The following SLF2 variants were observed in gnomAD, a reference collection of about 807,000 sequenced individuals.
SLF2 encodes the protein SMC5-SMC6 complex localization factor protein 2.
Under a neutral mutation model 124.3 loss-of-function variants are expected in SLF2, and 68 were observed. That is an observed-to-expected ratio of 0.55 (90% CI 0.45 to 0.67). SLF2 has a LOEUF of 0.67. Ranked by LOEUF, SLF2 falls within the 30% of genes least tolerant of loss-of-function variation. The probability of loss-of-function intolerance (pLI) is 0.00; values close to 1 mark genes in which losing one functional copy is unlikely to be tolerated. For synonymous variants in SLF2, 480 were observed against 478.8 expected (o/e 1.00, Z -0.03); for missense variants, 1,246 against 1,373.7 (o/e 0.91, Z 1.47).
At position 100,916,020 on chromosome 10, in the gene SLF2, C is replaced by T; in HGVS notation, c.162C>T (p.Phe54=). 6.2e-7 allele frequency: 1 copy of T among 1,612,004 alleles called. No individual in the cohort carries two copies. Among genetic ancestry groups the T allele is most frequent in the East Asian group, 2.2e-5 (1 of 44,732 alleles). The change falls in exon 2 of 20, where the codon TTC becomes TTT. Residue 54 remains phenylalanine (F), a synonymous_variant. Transcript: ENST00000238961. ...PGDRKQSIID[F]FKPASKQDRH... ...TCAGGAAGCAGTCAATTATAGATTT[C>T]TTCAAACCAGCTTCAAAACAAGGTA...
At chr10:100,955,379 T>C (rs1252301064) in intron 17 of SLF2, among the ~76,000 whole-genome samples, 1 of 152,236 alleles carries the variant, frequency 6.6e-6, no homozygotes, top group African/African-American at 2.4e-5. Flanking sequence ...ATGTTAGCTC[T>C]GTTTGTTGGA....
At chr10:100,915,912 T>C in intron 1 of SLF2, 87 bp from the exon 2 acceptor site, 1 of 1,078,226 alleles carries the variant, frequency 9.3e-7, no homozygotes, top group South Asian at 1.3e-5. Context: ...ATCCAGCCTT[T>C]ATTTTATAAA....
At position 100,916,860 on chromosome 10, in the gene SLF2, A is replaced by G. The variant is rs1227539063; in HGVS notation, c.475A>G (p.Lys159Glu). The change falls in exon 3 of 20, where the codon AAG becomes GAG. Residue 159 changes from lysine to glutamate, a missense_variant. Physicochemically the swap from Lys to Glu is moderately conservative, Grantham distance 56. This residue lies in a region of SLF2 where 698 missense variants were observed against 708.9 expected (regional missense o/e 0.98). Coordinates refer to ENST00000238961, the MANE Select transcript of SLF2 (RefSeq NM_018121.4). ...TGTTCCTTCTTCATATCACTTGCCA[A>G]AGGAGATGAAGTCACTAAAGAAAAA... ...IYVPSSYHLP[K>E]EMKSLKKKHR... 7.4e-6 allele frequency: 12 copies of G among 1,614,090 alleles called. No individual in the cohort carries two copies. The highest frequency in any genetic ancestry group is 1.0e-5 in the Non-Finnish European group (12 of 1,180,046).
At chr10:100,948,491 A>T (rs11599640) in intron 15 of SLF2, among the ~76,000 whole-genome samples, 15,247 of 151,864 alleles carry the variant, frequency 0.1, 845 homozygotes, top group Non-Finnish European at 0.12. Context: ...GTTTTTAATT[A>T]AAAAAAATGT....
chr10:100,923,286 T>C (rs1849553364), intron 4 of SLF2, among the ~76,000 whole-genome samples: 1 of 152,172 alleles, frequency 6.6e-6, no homozygotes, highest in Non-Finnish European at 1.5e-5. Context: ...AGGGCCGTAA[T>C]GTCTCTGGCA....
intron 4 of SLF2, among the ~76,000 whole-genome samples, chr10:100,923,251 A>G (rs1343254331): frequency 6.6e-6 from 1 of 152,178 alleles, no homozygotes; most frequent in South Asian, 2.1e-4. Flanking sequence ...TCTGGAAGCT[A>G]GAAGTTTGAA....
In SLF2 at chr10:100,912,985, T is replaced by A. The variant is rs1232803270; in HGVS notation, c.-126T>A. 5.9e-6 allele frequency: 6 copies of A among 1,013,748 alleles called. No homozygotes were observed. The highest frequency in any genetic ancestry group is 7.2e-6 in the Non-Finnish European group (5 of 698,330). 62.8% of individuals were successfully genotyped at this position (1,013,748 alleles called of 1,614,324 possible). A position where few individuals can be genotyped will look rare whatever the true frequency, so the allele number is the denominator to read the frequency against. On this transcript the variant is annotated 5_prime_UTR_variant, in exon 1 of 20. An upstream start codon of the reference 5' UTR is lost. Transcript: ENST00000238961. ...GTCACTTCCGAAGAGAGAACCGCCA[T>A]GAAGAGAGAAGGGGGTGCCGCCCAC...
At chr10:100,913,444 G>C in intron 1 of SLF2, 194 bp downstream of exon 1, 1 of 1,324,560 alleles carries the variant, frequency 7.5e-7, no homozygotes, top group East Asian at 3.1e-5. Context: ...CTGTAGTTGG[G>C]CAGCTGCTCT....
At chr10:100,928,472 A>G (rs181810187) in intron 6 of SLF2, among the ~76,000 whole-genome samples, 30 of 152,302 alleles carry the variant, frequency 2.0e-4, no homozygotes, top group African/African-American at 7.0e-4. Context: ...GCACTTCACA[A>G]ATGAAAGACA....
intron 6 of SLF2, among the ~76,000 whole-genome samples, 171 bp from the exon 7 acceptor site, chr10:100,929,146 T>G (rs767620284): frequency 6.6e-6 from 1 of 152,202 alleles, no homozygotes; most frequent in Admixed American, 6.5e-5. Flanking sequence ...TCATGAAAAT[T>G]GTACGTCGTG....
chr10:100,917,998 G>A (rs1157721334), intron 3 of SLF2, among the ~76,000 whole-genome samples: 1 of 152,132 alleles, frequency 6.6e-6, no homozygotes, highest in African/African-American at 2.4e-5. Context: ...AAGGTGGGAG[G>A]CTCGCTTGAG....
At chr10:100,959,059 A>T (rs1850381590) in intron 18 of SLF2, among the ~76,000 whole-genome samples, 1 of 152,218 alleles carries the variant, frequency 6.6e-6, no homozygotes, top group African/African-American at 2.4e-5. Context: ...GAACAGCCAA[A>T]GCCTTGGGCC....
chr10:100,960,995 C>CTACTTTTTTTTTTTT (rs1411407192), intron 19 of SLF2, among the ~76,000 whole-genome samples: 1 of 54,450 alleles, frequency 1.8e-5, no homozygotes, highest in African/African-American at 6.5e-5. Context: ...ATATTCTGTA[C>CTACTTTTTTTTTTTT]TTCTTTTTTT....
chr10:100,957,915 G>A (rs1850362729), intron 18 of SLF2, among the ~76,000 whole-genome samples: 1 of 152,076 alleles, frequency 6.6e-6, no homozygotes, highest in South Asian at 2.1e-4. Flanking sequence ...CAGGTGTGGT[G>A]GTGCGTGCCT....
intron 1 of SLF2, among the ~76,000 whole-genome samples, chr10:100,914,830 A>G (rs1369883050): frequency 6.6e-6 from 1 of 152,226 alleles, no homozygotes; most frequent in Admixed American, 6.5e-5. Flanking sequence ...TGTGACCAGT[A>G]AAGTGTACAA....
intron 9 of SLF2, among the ~76,000 whole-genome samples, chr10:100,935,859 CTTT>C (rs556164456): frequency 0.35 from 34,556 of 98,382 alleles, 4,058 homozygotes; most frequent in Middle Eastern, 0.48. Context: ...TTTTTTTTTT[CTTT>C]TTTTTTTTTT....
chr10:100,931,007 A>G lies in SLF2; in HGVS notation c.2365A>G (p.Thr789Ala), dbSNP rs1849722542. The change falls in exon 9 of 20, where the codon ACA (threonine) becomes GCA (alanine). Residue 789 changes from threonine (T) to alanine (A), a missense_variant. Thr to Ala is a moderately conservative substitution (Grantham distance 58). This residue lies in a region of SLF2 where 535 missense variants were observed against 632.8 expected (regional missense o/e 0.85). Transcript: ENST00000238961. ...SGKTDQIFLTTQGFLTSAYHY... is the reference protein window; with the variant it reads ...SGKTDQIFLTAQGFLTSAYHY... The stretch of plus-strand genomic sequence containing the variant: ...AAAAACAGATCAGATTTTTTTGACA[A>G]CACAAGGTTTCCTTACGTCTGCTTA... The G allele has an allele frequency of 6.2e-7, 1 of 1,614,076 alleles. No individual in the cohort carries two copies. The highest frequency in any genetic ancestry group is 8.5e-7 in the Non-Finnish European group (1 of 1,179,986).
At chr10:100,950,530 T>G (rs1308781025) in intron 16 of SLF2, 146 bp from the exon 17 acceptor site, 1 of 693,098 alleles carries the variant, frequency 1.4e-6, no homozygotes, top group Non-Finnish European at 2.4e-6. Context: ...AAGCCTAGTT[T>G]AGATGCTTCG....
At chr10:100,941,749 T>A (rs1849986471) in intron 11 of SLF2, among the ~76,000 whole-genome samples, 1 of 152,190 alleles carries the variant, frequency 6.6e-6, no homozygotes. Context: ...CAGACTCTGT[T>A]CTAAGGGCTT....
Sources: gnomAD v4.1 joint callset for allele counts (sites outside exome capture counted in the v4.1 genomes callset) on GRCh38, gnomAD v4.1.1 for gene constraint, gnomAD v4.1.1 regional missense constraint, MANE v1.5 for transcripts, NCBI Gene and HGNC (gene_info 2026-07-23, HGNC 2026-07-21) for gene names.